RIC8B: variants seen among roughly 807,000 people sequenced by gnomAD.
RIC8B encodes RIC8 guanine nucleotide exchange factor B, also known as chaperone Ric-8B.
RIC8B carries 16 observed loss-of-function variants against 57.5 expected under a neutral mutation model. The observed-to-expected ratio is 0.28, with a 90% CI of 0.19 to 0.42. The LOEUF (loss-of-function observed/expected upper bound fraction) is 0.42. Ranked by LOEUF, RIC8B falls within the 10% of genes least tolerant of loss-of-function variation. RIC8B has a pLI of 1.00. For missense variants in RIC8B, 481 were observed against 677.0 expected (o/e 0.71, Z 3.21); for synonymous variants, 216 against 250.8 (o/e 0.86, Z 1.31).
chr12:106,859,823 C>T (rs565645341), intron 7 of RIC8B, among the ~76,000 whole-genome samples: 1 of 152,220 alleles, frequency 6.6e-6, no homozygotes, highest in East Asian at 1.9e-4. Flanking sequence ...TTCTTACTTC[C>T]TTTTCCTCCA....
chr12:106,872,947 T>C (rs952132317), intron 9 of RIC8B: 30 of 814,590 alleles, frequency 3.7e-5, no homozygotes, highest in African/African-American at 5.6e-5. Context: ...CTTGGCTTAC[T>C]AATAGAGGAA....
chr12:106,805,417 A>ATG (rs747339867), intron 2 of RIC8B, among the ~76,000 whole-genome samples: 3 of 152,082 alleles, frequency 2.0e-5, no homozygotes, highest in Admixed American at 6.5e-5. Context: ...AGATCACTTG[A>ATG]GTTCAGGAGA....
chr12:106,843,724 A>G, intron 5 of RIC8B, 128 bp from the exon 6 acceptor site: 1 of 94,792 alleles, frequency 1.1e-5, no homozygotes, highest in South Asian at 3.6e-4. Flanking sequence ...TCCCTCTCCC[A>G]AAAAAAAAAA....
At chr12:106,860,615 A>G (rs1949889622) in intron 8 of RIC8B, among the ~76,000 whole-genome samples, 1 of 152,150 alleles carries the variant, frequency 6.6e-6, no homozygotes, top group Admixed American at 6.6e-5. Flanking sequence ...GCAAGAAATG[A>G]TATTTTCAAC....
chr12:106,865,879 C>T (rs952196436), intron 8 of RIC8B, among the ~76,000 whole-genome samples: 2 of 152,214 alleles, frequency 1.3e-5, no homozygotes, highest in African/African-American at 2.4e-5. Context: ...CAGACACACT[C>T]CTGCCTGAGG....
chr12:106,884,513 G>A (rs1951090086), intron 9 of RIC8B, among the ~76,000 whole-genome samples: 1 of 152,072 alleles, frequency 6.6e-6, no homozygotes, highest in Admixed American at 6.5e-5. Flanking sequence ...ATTAAAGAAG[G>A]GGGTTGGACT....
At chr12:106,814,607 C>A in intron 2 of RIC8B, 89 bp from the exon 3 acceptor site, 1 of 1,305,646 alleles carries the variant, frequency 7.7e-7, no homozygotes, top group Non-Finnish European at 1.1e-6. Context: ...GGATTTTTAA[C>A]TGTTGTTAAG....
chr12:106,785,181 C>T (rs1434055099), intron 2 of RIC8B, among the ~76,000 whole-genome samples: 2 of 152,198 alleles, frequency 1.3e-5, no homozygotes, highest in African/African-American at 4.8e-5. Flanking sequence ...TTTCTTTTCT[C>T]TCCCTTGTAT....
At chr12:106,861,576 T>G (rs1214460355) in intron 8 of RIC8B, among the ~76,000 whole-genome samples, 2 of 152,046 alleles carry the variant, frequency 1.3e-5, no homozygotes, top group Non-Finnish European at 2.9e-5. Flanking sequence ...AAGCACTATT[T>G]TCTTAAGACT....
chr12:106,828,839 A>G (rs935583742), intron 4 of RIC8B, among the ~76,000 whole-genome samples: 6 of 152,188 alleles, frequency 3.9e-5, no homozygotes, highest in East Asian at 3.8e-4. Flanking sequence ...ACTTATGCCT[A>G]TGTTCATCCT....
chr12:106,797,569 GATA>G (rs910871302), intron 2 of RIC8B, among the ~76,000 whole-genome samples: 3 of 152,196 alleles, frequency 2.0e-5, no homozygotes, highest in African/African-American at 7.2e-5. Flanking sequence ...TCTAAAATTA[GATA>G]ATAAGGGTGG....
chr12:106,817,350 AAG>A (rs2045618788), intron 3 of RIC8B, among the ~76,000 whole-genome samples: 1 of 152,192 alleles, frequency 6.6e-6, no homozygotes, highest in Non-Finnish European at 1.5e-5. Flanking sequence ...AATACTTAGT[AAG>A]AGAAATTTTC....
chr12:106,775,147 G>A (rs745716070), intron 1 of RIC8B, among the ~76,000 whole-genome samples: 14 of 152,200 alleles, frequency 9.2e-5, no homozygotes, highest in African/African-American at 1.2e-4. Context: ...ACTCCTGGAT[G>A]CATAAATGCA....
chr12:106,813,187 CTTTTTTTT>C (rs35584850), intron 2 of RIC8B, among the ~76,000 whole-genome samples: 2 of 98,678 alleles, frequency 2.0e-5, no homozygotes, highest in Non-Finnish European at 4.0e-5. Flanking sequence ...AATACTATGC[CTTTTTTTT>C]TTTTTTTTTT....
At chr12:106,794,420 C>G (rs1351784548) in intron 2 of RIC8B, among the ~76,000 whole-genome samples, 1 of 152,108 alleles carries the variant, frequency 6.6e-6, no homozygotes, top group African/African-American at 2.4e-5. Context: ...GTTTAAACTT[C>G]CCAAATTTAT....
At position 106,842,796 on chromosome 12, in the gene RIC8B, T is replaced by G; in HGVS notation, c.1044T>G (p.Phe348Leu). 1 of 1,609,636 alleles carries G rather than the reference T, an allele frequency of 6.2e-7. No homozygotes were observed. The highest frequency in any genetic ancestry group is 2.2e-5 in the East Asian group (1 of 44,836). Residue 348 changes from phenylalanine to leucine, a missense_variant, in exon 5 of 10, where the codon TTT becomes TTG. By Grantham distance (22) the Phe-to-Leu change is conservative. This residue lies in a region of RIC8B where 421 missense variants were observed against 560.9 expected (regional missense o/e 0.75). Coordinates refer to ENST00000392837, the MANE Select transcript of RIC8B (RefSeq NM_001330145.2). ...AGGCCATTCATGTTTTACTGAATTT[T>G]ATGGAGAAGAGAATAGACAAGGTAA... ...NMEAIHVLLN[F>L]MEKRIDKGSS... is the part of the protein sequence containing the mutation.
In RIC8B at chr12:106,887,349, GC is replaced by G. The variant is rs1489268320; in HGVS notation, c.*1335del. The G allele has an allele frequency of 2.0e-5, 3 of 152,472 alleles. No homozygotes were observed. The highest frequency in any genetic ancestry group is 4.4e-5 in the Non-Finnish European group (3 of 68,016). 9.4% of individuals were successfully genotyped at this position (152,472 alleles called of 1,614,324 possible). A position where few individuals can be genotyped will look rare whatever the true frequency, so the allele number is the denominator to read the frequency against. ...TAAACAATACTATTTCACAGTTTAT[GC>G]TTTTTTAAAGTGCTTTTACATCCAT... On this transcript the variant is annotated 3_prime_UTR_variant, in exon 10 of 10. Coordinates refer to ENST00000392837, the MANE Select transcript of RIC8B (RefSeq NM_001330145.2).
chr12:106,815,356 C>T (rs758209449), intron 3 of RIC8B, 52 bp downstream of exon 3: 54 of 1,527,036 alleles, frequency 3.5e-5, no homozygotes, highest in Non-Finnish European at 4.5e-5. Context: ...TGGTCTGGGA[C>T]ATCCCTAGAG....
At chr12:106,849,599 T>A (rs1949372669) in intron 6 of RIC8B, among the ~76,000 whole-genome samples, 1 of 151,772 alleles carries the variant, frequency 6.6e-6, no homozygotes, top group Admixed American at 6.6e-5. Context: ...TTTAACAAGA[T>A]CCCCAGGTGT....
Sources: gnomAD v4.1 joint callset for allele counts (sites outside exome capture counted in the v4.1 genomes callset) on GRCh38, gnomAD v4.1.1 for gene constraint, gnomAD v4.1.1 regional missense constraint, MANE v1.5 for transcripts, NCBI Gene and HGNC (gene_info 2026-07-23, HGNC 2026-07-21) for gene names.